FILIP1L: variants seen among roughly 807,000 people sequenced by gnomAD.
FILIP1L encodes filamin A interacting protein 1 like.
In FILIP1L, 55 loss-of-function variants were observed where a neutral mutation model predicts 96.6. The observed-to-expected ratio is 0.57, with a 90% CI of 0.46 to 0.71. The LOEUF is 0.71. Ranked by LOEUF, FILIP1L falls within the 30% of genes least tolerant of loss-of-function variation. The pLI is 0.00. For missense variants in FILIP1L, 1,304 were observed against 1,321.2 expected (o/e 0.99, Z 0.20); for synonymous variants, 467 against 473.9 (o/e 0.99, Z 0.19).
In FILIP1L at chr3:99,963,716, G is replaced by C. The variant is rs115161367; in HGVS notation, c.-10-32686C>G. ...AGCCTCGCCTCCAGGGTCCTGGTTC[G>C]AGCAATTCTCCTGTCTCAGCTTCCT... On this transcript the variant is annotated intron_variant, in intron 1 of 5. Transcript: ENST00000477258. Among the ~76,000 whole-genome samples, 936 of 151,960 alleles carry C rather than the reference G, an allele frequency of 6.2e-3. 6 individuals are homozygous for C. Among genetic ancestry groups the C allele is most frequent in the African/African-American group, 0.018 (741 of 41,432 alleles).
At chr3:100,036,374 A>G (rs964955175) in intron 1 of FILIP1L, among the ~76,000 whole-genome samples, 3 of 152,196 alleles carry the variant, frequency 2.0e-5, no homozygotes, top group African/African-American at 7.2e-5. Context: ...TCAAAAAATG[A>G]TGAGGACATG....
intron 5 of FILIP1L, among the ~76,000 whole-genome samples, chr3:99,841,443 C>T (rs753617376): frequency 2.0e-5 from 3 of 152,190 alleles, no homozygotes; most frequent in Non-Finnish European, 4.4e-5. Context: ...TCTAAAAGGT[C>T]CTCTCTCGGA....
At chr3:99,911,249 T>C (rs535590632) in intron 4 of FILIP1L, among the ~76,000 whole-genome samples, 1 of 151,516 alleles carries the variant, frequency 6.6e-6, no homozygotes, top group Non-Finnish European at 1.5e-5. Flanking sequence ...TAATGGATAA[T>C]GTGAAATCCA....
intron 1 of FILIP1L, among the ~76,000 whole-genome samples, chr3:100,064,555 A>G (rs1442335719): frequency 4.6e-5 from 7 of 152,154 alleles, no homozygotes; most frequent in Non-Finnish European, 7.3e-5. Context: ...ACCCACTATT[A>G]TATGTAGAGA....
At chr3:100,006,320 T>A (rs1438517977) in intron 1 of FILIP1L, among the ~76,000 whole-genome samples, 1 of 152,150 alleles carries the variant, frequency 6.6e-6, no homozygotes, top group Non-Finnish European at 1.5e-5. Flanking sequence ...GTCATTTCCC[T>A]AAATAATCTC....
At chr3:99,881,536 T>C (rs1705727613) in intron 4 of FILIP1L, among the ~76,000 whole-genome samples, 1 of 145,686 alleles carries the variant, frequency 6.9e-6, no homozygotes, top group South Asian at 2.2e-4. Flanking sequence ...TCTCTCTCTC[T>C]CTTTTTTTTT....
At chr3:99,860,182 T>C (rs1322376669) in intron 4 of FILIP1L, among the ~76,000 whole-genome samples, 2 of 152,152 alleles carry the variant, frequency 1.3e-5, no homozygotes, top group Non-Finnish European at 2.9e-5. Context: ...TTTCCTTCAT[T>C]GTGAAATAAG....
At chr3:100,067,445 A>G (rs1021341) in intron 1 of FILIP1L, among the ~76,000 whole-genome samples, 32,106 of 152,094 alleles carry the variant, frequency 0.21, 3,526 homozygotes, top group South Asian at 0.26. Flanking sequence ...CCCTGGCTCC[A>G]ATTATTCCCA....
chr3:99,959,028 G>A (rs1426104273), intron 1 of FILIP1L, among the ~76,000 whole-genome samples: 4 of 151,868 alleles, frequency 2.6e-5, no homozygotes, highest in Admixed American at 6.6e-5. Context: ...TTTTTAATCC[G>A]ATAAATTATT....
In FILIP1L at chr3:100,041,853, A is replaced by G. The variant is rs181405657; in HGVS notation, c.-11+72200T>C. ...CACCTTTTTCTTCTTTCAACATGAA[A>G]GTATATCACATGCTGACCCCAACTA... is the stretch of plus-strand genomic sequence containing the variant. On this transcript the variant is annotated intron_variant, in intron 1 of 5. Transcript: ENST00000477258. 4.6e-5 allele frequency among the ~76,000 whole-genome samples: 7 copies of G among 152,310 alleles called. No individual in the cohort carries two copies. The East Asian group carries it at 1.4e-3, about 29-fold the overall frequency.
intron 1 of FILIP1L, among the ~76,000 whole-genome samples, chr3:99,986,490 T>C (rs1709345782): frequency 6.6e-6 from 1 of 152,196 alleles, no homozygotes; most frequent in Non-Finnish European, 1.5e-5. Flanking sequence ...TGAAAGTTGA[T>C]AGTGAAAGAA....
intron 1 of FILIP1L, among the ~76,000 whole-genome samples, chr3:100,058,597 A>G (rs1312532752): frequency 3.3e-5 from 5 of 152,198 alleles, no homozygotes; most frequent in Admixed American, 1.3e-4. Context: ...CTTGGTGGAC[A>G]AAGAGAAAAG....
At chr3:99,868,453 T>A (rs1378779740) in intron 4 of FILIP1L, among the ~76,000 whole-genome samples, 1 of 152,186 alleles carries the variant, frequency 6.6e-6, no homozygotes, top group African/African-American at 2.4e-5. Context: ...CACCAGATGA[T>A]GAAGGAGCAT....
At chr3:99,878,308 A>G (rs529501988) in intron 4 of FILIP1L, among the ~76,000 whole-genome samples, 2 of 152,340 alleles carry the variant, frequency 1.3e-5, no homozygotes, top group East Asian at 3.9e-4. Context: ...GCATTTCATC[A>G]TTTAATCTTC....
intron 5 of FILIP1L, 117 bp downstream of exon 5, chr3:99,848,178 G>A (rs1233837287): frequency 6.5e-6 from 10 of 1,537,460 alleles, no homozygotes; most frequent in Admixed American, 6.0e-5. Context: ...CCCAAAGTAC[G>A]AGTTCAGTCA....
chr3:99,911,927 TG>T (rs1276151912), intron 4 of FILIP1L, among the ~76,000 whole-genome samples: 2 of 152,206 alleles, frequency 1.3e-5, no homozygotes, highest in African/African-American at 4.8e-5. Context: ...ATAACCAAAA[TG>T]TTCGTTCTCT....
At chr3:99,989,925 G>C (rs1709463410) in intron 1 of FILIP1L, among the ~76,000 whole-genome samples, 1 of 152,016 alleles carries the variant, frequency 6.6e-6, no homozygotes, top group South Asian at 2.1e-4. Flanking sequence ...TTAGTTCCAA[G>C]ACACCTGGTA....
intron 1 of FILIP1L, among the ~76,000 whole-genome samples, chr3:100,020,511 G>A (rs2064790393): frequency 6.6e-6 from 1 of 152,156 alleles, no homozygotes; most frequent in African/African-American, 2.4e-5. Context: ...CTCAGGTAGG[G>A]CTTGCGAGAC....
chr3:99,842,975 T>C (rs569939475), intron 5 of FILIP1L, among the ~76,000 whole-genome samples: 1 of 152,340 alleles, frequency 6.6e-6, no homozygotes, highest in South Asian at 2.1e-4. Flanking sequence ...CCAAAAGCCT[T>C]ACCCTTCTTG....
Sources: allele counts gnomAD v4.1 joint callset (sites outside exome capture counted in the v4.1 genomes callset), GRCh38; gene constraint gnomAD v4.1.1; transcripts MANE v1.5; gene names NCBI Gene and HGNC (gene_info 2026-07-23, HGNC 2026-07-21).